NRG1: variants seen among roughly 807,000 people sequenced by gnomAD.
NRG1 encodes neuregulin 1, also known as pro-neuregulin-1, membrane-bound isoform.
A neutral mutation model predicts 63.8 loss-of-function variants in NRG1; 18 were observed. The ratio of observed to expected loss-of-function variants is 0.28; its 90% CI spans 0.19 to 0.42. NRG1 has a LOEUF of 0.42. Ranked by LOEUF, NRG1 falls within the 10% of genes least tolerant of loss-of-function variation. The pLI, the probability that NRG1 is intolerant of heterozygous loss-of-function variation, is 1.00. For synonymous variants in NRG1, 302 were observed against 301.3 expected (o/e 1.00, Z -0.02); for missense variants, 762 against 814.7 (o/e 0.94, Z 0.79).
chr8:31,705,029 T>TTTTTGTTTTG (rs547632253), intron 1 of NRG1, among the ~76,000 whole-genome samples: 3 of 151,744 alleles, frequency 2.0e-5, no homozygotes, highest in Admixed American at 6.6e-5. Flanking sequence ...GAGCAAGGTT[T>TTTTTGTTTTG]TTTTGTTTTG....
At chr8:32,107,145 A>T (rs1319805258) in intron 1 of NRG1, among the ~76,000 whole-genome samples, 1 of 152,112 alleles carries the variant, frequency 6.6e-6, no homozygotes, top group Non-Finnish European at 1.5e-5. Context: ...CTGAGGCAGG[A>T]GTATCGCTTG....
At chr8:31,960,139 G>A (rs759897911) in intron 1 of NRG1, among the ~76,000 whole-genome samples, 10 of 152,168 alleles carry the variant, frequency 6.6e-5, no homozygotes, top group Non-Finnish European at 8.8e-5. Context: ...GAATGAAGAA[G>A]GCAGATTTAG....
At chr8:32,598,154 G>C (rs998470493) in intron 2 of NRG1, among the ~76,000 whole-genome samples, 1 of 152,084 alleles carries the variant, frequency 6.6e-6, no homozygotes, top group African/African-American at 2.4e-5. Context: ...AGGGGCGGGG[G>C]TCATAAGATT....
At chr8:32,433,074 T>TATC (rs1563457639) in intron 1 of NRG1, among the ~76,000 whole-genome samples, 3 of 152,146 alleles carry the variant, frequency 2.0e-5, no homozygotes, top group African/African-American at 7.2e-5. Context: ...TGGCACATAC[T>TATC]ATCTGCCCCA....
intron 1 of NRG1, among the ~76,000 whole-genome samples, chr8:31,944,256 T>A (rs1323407015): frequency 6.6e-6 from 1 of 152,216 alleles, no homozygotes; most frequent in African/African-American, 2.4e-5. Flanking sequence ...GTTTGTAAAA[T>A]GGAAACTACA....
intron 5 of NRG1, among the ~76,000 whole-genome samples, chr8:32,696,179 T>C (rs999737358): frequency 2.6e-5 from 4 of 152,190 alleles, no homozygotes; most frequent in African/African-American, 9.7e-5. Flanking sequence ...AAACCAACAT[T>C]CTTAGGAATA....
intron 1 of NRG1, among the ~76,000 whole-genome samples, chr8:32,368,439 T>C (rs1808373892): frequency 6.6e-6 from 1 of 152,084 alleles, no homozygotes; most frequent in African/African-American, 2.4e-5. Flanking sequence ...AATAGTGGTG[T>C]GTACCTGTAG....
intron 1 of NRG1, among the ~76,000 whole-genome samples, chr8:31,766,351 T>C (rs1818058930): frequency 6.6e-6 from 1 of 152,108 alleles, no homozygotes; most frequent in African/African-American, 2.4e-5. Context: ...CTGTGTTCAG[T>C]CTAGTAAAAA....
At chr8:31,780,423 C>T (rs896835361) in intron 1 of NRG1, among the ~76,000 whole-genome samples, 2 of 152,180 alleles carry the variant, frequency 1.3e-5, no homozygotes, top group Middle Eastern at 3.4e-3. Context: ...TTCCTATCAC[C>T]TGTAGAATTA....
At chr8:32,687,970 C>T (rs1810609013) in intron 5 of NRG1, among the ~76,000 whole-genome samples, 2 of 152,128 alleles carry the variant, frequency 1.3e-5, no homozygotes, top group Admixed American at 1.3e-4. Flanking sequence ...CACCAGGTCC[C>T]ACCTCCAACA....
At chr8:31,943,798 C>T (rs2129621283) in intron 1 of NRG1, among the ~76,000 whole-genome samples, 1 of 152,238 alleles carries the variant, frequency 6.6e-6, no homozygotes, top group Non-Finnish European at 1.5e-5. Context: ...TGGGTTAGAA[C>T]CTTCATAAAA....
At chr8:32,210,863 C>G (rs1844637235) in intron 1 of NRG1, among the ~76,000 whole-genome samples, 1 of 152,170 alleles carries the variant, frequency 6.6e-6, no homozygotes, top group African/African-American at 2.4e-5. Context: ...GATATTCTCT[C>G]TTTCTTCTTT....
intron 1 of NRG1, among the ~76,000 whole-genome samples, chr8:32,338,169 A>G (rs968838123): frequency 1.3e-5 from 2 of 152,172 alleles, no homozygotes; most frequent in African/African-American, 4.8e-5. Context: ...AGTGAACTCT[A>G]TCTTTTATGG....
chr8:32,676,380 C>T (rs1489367128), intron 5 of NRG1, among the ~76,000 whole-genome samples: 1 of 152,184 alleles, frequency 6.6e-6, no homozygotes, highest in Non-Finnish European at 1.5e-5. Flanking sequence ...GTCTGGCTGC[C>T]ACCTTCAGTG....
At chr8:32,215,588 G>A (rs114421631) in intron 1 of NRG1, among the ~76,000 whole-genome samples, 3,085 of 152,208 alleles carry the variant, frequency 0.02, 100 homozygotes, top group African/African-American at 0.071. Context: ...ACTTGCCCAA[G>A]GTCTCACAGT....
At chr8:32,136,675 A>G (rs1317289695) in intron 1 of NRG1, 1 of 152,190 alleles carries the variant, frequency 6.6e-6, no homozygotes, top group African/African-American at 2.4e-5. Flanking sequence ...TTCTTCACTG[A>G]CAATGGCACC....
At chr8:32,507,040 A>G (rs890160180) in intron 1 of NRG1, among the ~76,000 whole-genome samples, 4 of 152,158 alleles carry the variant, frequency 2.6e-5, no homozygotes, top group Non-Finnish European at 5.9e-5. Flanking sequence ...TTTAGGGTTG[A>G]AAAAAACCTA....
chr8:31,697,081 G>A (rs914735174), intron 1 of NRG1, among the ~76,000 whole-genome samples: 4 of 152,236 alleles, frequency 2.6e-5, no homozygotes, highest in Admixed American at 1.3e-4. Context: ...AATCTGTGAA[G>A]TTTTCTTTTT....
chr8:32,057,123 T>G (rs952349239), intron 1 of NRG1, among the ~76,000 whole-genome samples: 3 of 152,168 alleles, frequency 2.0e-5, no homozygotes, highest in African/African-American at 7.2e-5. Context: ...AATAATTACA[T>G]TCTATCTTTG....
Sources: gnomAD v4.1 joint callset for allele counts (sites outside exome capture counted in the v4.1 genomes callset) on GRCh38, gnomAD v4.1.1 for gene constraint, MANE v1.5 for transcripts, NCBI Gene and HGNC (gene_info 2026-07-23, HGNC 2026-07-21) for gene names.